Variants in MTERF3 observed in about 807,000 individuals in gnomAD.
MTERF3 encodes transcription termination factor 3, mitochondrial.
A neutral mutation model predicts 40.5 loss-of-function variants in MTERF3; 40 were observed. The observed-to-expected ratio is 0.99, with a 90% CI of 0.77 to 1.29. The LOEUF is 1.29. Ranked by LOEUF, MTERF3 falls within the 50% of genes most tolerant of loss-of-function variation. MTERF3 has a pLI of 0.00. For missense variants in MTERF3, 452 were observed against 478.2 expected (o/e 0.95, Z 0.51); for synonymous variants, 158 against 166.6 (o/e 0.95, Z 0.40).
chr8:96,239,764 T>G, intron 7 of MTERF3, 79 bp from the exon 8 acceptor site: 5 of 1,030,346 alleles, frequency 4.9e-6, no homozygotes, highest in South Asian at 2.9e-5. Context: ...GGCAAAAATT[T>G]TAATAGGTTA....
At position 96,246,450 on chromosome 8, in the gene MTERF3, C is replaced by G. The variant is rs1175044683; in HGVS notation, c.682G>C (p.Ala228Pro). Reference sequence around the variant, plus strand: ...CTGAAATTTTTTGAATGCAGATAAGCCACCCTAGAGAAACATAAATACATA... The same window carrying G: ...CTGAAATTTTTTGAATGCAGATAAGGCACCCTAGAGAAACATAAATACATA... ...EDLENLKTRV[A>P]YLHSKNFSKA... The change falls in exon 5 of 8, where the codon GCT becomes CCT. Residue 228 changes from alanine to proline, a missense_variant. Transcript: ENST00000287025. 6.2e-7 allele frequency: 1 copy of G among 1,607,106 alleles called. No homozygotes were observed. Among genetic ancestry groups the G allele is most frequent in the East Asian group, 2.2e-5 (1 of 44,632 alleles).
rs994613977 is a variant in MTERF3, at chr8:96,243,981, T to C, written c.997A>G (p.Thr333Ala). 1.2e-6 allele frequency: 2 copies of C among 1,614,144 alleles called. No individual in the cohort carries two copies. The highest frequency in any genetic ancestry group is 2.7e-5 in the African/African-American group (2 of 75,032). Residue 333 changes from threonine (T) to alanine (A), a missense_variant, in exon 7 of 8, where the codon ACG (threonine) becomes GCG (alanine). Thr to Ala is a moderately conservative substitution (Grantham distance 58). Coordinates refer to ENST00000287025, the MANE Select transcript of MTERF3 (RefSeq NM_015942.5). The stretch of plus-strand genomic sequence containing the variant: ...ATCACATTGTGCACAAAATCAAACG[T>C]CTCGGTAAGTTTCATTTTATTTGCA... ...LTANKMKLTE[T>A]FDFVHNVMSI...
At chr8:96,246,852 TAAG>T (rs1810030862) in intron 4 of MTERF3, among the ~76,000 whole-genome samples, 1 of 151,764 alleles carries the variant, frequency 6.6e-6, no homozygotes. Context: ...TTTTTTTTGA[TAAG>T]AACAGAAAAA....
In MTERF3 at chr8:96,251,008, A is replaced by C. The variant is rs757276935; in HGVS notation, c.575T>G (p.Leu192Arg). Residue 192 changes from leucine (L) to arginine (R), a missense_variant, in exon 4 of 8, where the codon CTT (leucine) becomes CGT (arginine). By Grantham distance (102) the Leu-to-Arg change is moderately radical (BLOSUM62 -2). Coordinates refer to ENST00000287025, the MANE Select transcript of MTERF3 (RefSeq NM_015942.5). ...TATACCCACATCTTTAAGAAACAGAAGCATTTGCTTAATGTCTTTTTCAAA... is the reference window on the plus strand; with the variant it reads ...TATACCCACATCTTTAAGAAACAGACGCATTTGCTTAATGTCTTTTTCAAA... ...LDFEKDIKQM[L>R]LFLKDVGIED... 6.2e-7 allele frequency: 1 copy of C among 1,605,776 alleles called. No individual in the cohort carries two copies. The highest frequency in any genetic ancestry group is 8.5e-7 in the Non-Finnish European group (1 of 1,178,084).
rs1810139112 is a variant in MTERF3 at position 96,250,630 on chromosome 8, A to AAGAAGG, written c.677+275_677+276insCCTTCT. Among the ~76,000 whole-genome samples the AAGAAGG allele has an allele frequency of 8.7e-5, 2 of 23,084 alleles. 1 individual carries two copies. Among genetic ancestry groups the AAGAAGG allele is most frequent in the Non-Finnish European group, 2.0e-4 (2 of 10,006 alleles). The allele number at this position is 23,084 out of a possible 152,430, so 15.1% of individuals were successfully genotyped here. A position where few individuals can be genotyped will look rare whatever the true frequency, so the allele number is the denominator to read the frequency against. On this transcript the variant is annotated intron_variant, in intron 4 of 7. Coordinates refer to ENST00000287025, the MANE Select transcript of MTERF3 (RefSeq NM_015942.5). ...GAGGCTGAGGCAGAAGAAGAAGAAG[A>AAGAAGG]AGAAGAAGAAGAAGAAGAAGAAGAA...
intron 6 of MTERF3, among the ~76,000 whole-genome samples, 181 bp from the exon 7 acceptor site, chr8:96,244,261 AC>A (rs1262613394): frequency 2.0e-5 from 3 of 151,882 alleles, no homozygotes; most frequent in Non-Finnish European, 4.4e-5. Flanking sequence ...GAGGAATGCC[AC>A]CACACCTGGC....
intron 3 of MTERF3, among the ~76,000 whole-genome samples, chr8:96,253,026 G>A (rs902238708): frequency 6.6e-6 from 1 of 152,094 alleles, no homozygotes; most frequent in South Asian, 2.1e-4. Flanking sequence ...AATAATACAC[G>A]ATTCTAACCT....
At chr8:96,248,829 GCT>G in intron 4 of MTERF3, among the ~76,000 whole-genome samples, 1 of 152,212 alleles carries the variant, frequency 6.6e-6, no homozygotes, top group South Asian at 2.1e-4. Context: ...TGAAATCAGT[GCT>G]GTTATAGAAA....
chr8:96,243,395 A>C (rs1563544687), intron 7 of MTERF3, among the ~76,000 whole-genome samples: 1 of 152,222 alleles, frequency 6.6e-6, no homozygotes, highest in Admixed American at 6.5e-5. Flanking sequence ...GGCAGTGTAT[A>C]AATCAGACAA....
chr8:96,257,112 G>T lies in MTERF3; in HGVS notation c.337C>A (p.Leu113Met), dbSNP rs1810295368. The T allele has an allele frequency of 1.2e-6, 2 of 1,609,870 alleles. No homozygotes were observed. Among genetic ancestry groups the T allele is most frequent in the East Asian group, 4.5e-5 (2 of 44,752 alleles). ...SFDSELFLEE[L>M]DELPPLSPMQ... ...GGAGACAATGGAGGCAATTCATCCA[G>T]TTCTTTGAAAGAGAGAAACAAATTA... is the stretch of plus-strand genomic sequence containing the variant. The change falls in exon 3 of 8, where the codon CTG becomes ATG. Residue 113 changes from leucine (L) to methionine (M), a missense_variant and splice_region_variant. Transcript: ENST00000287025.
chr8:96,250,905 C>A lies in MTERF3; in HGVS notation c.677+1G>T. The A allele has an allele frequency of 6.2e-7, 1 of 1,602,104 alleles. No homozygotes were observed. The highest frequency in any genetic ancestry group is 8.5e-7 in the Non-Finnish European group (1 of 1,177,194). Reference sequence around the variant, plus strand: ...TATGAGAATCCTTTTAAAAGTCCTACCTGGTCTTCAGATTTTCAAGGTCTT... The same window carrying A: ...TATGAGAATCCTTTTAAAAGTCCTAACTGGTCTTCAGATTTTCAAGGTCTT... On this transcript the variant is annotated splice_donor_variant, in intron 4 of 7. Transcript: ENST00000287025. LOFTEE classifies it high-confidence loss of function.
At chr8:96,251,505 C>T (rs7814892) in intron 3 of MTERF3, among the ~76,000 whole-genome samples, 1 of 152,006 alleles carries the variant, frequency 6.6e-6, no homozygotes, top group East Asian at 1.9e-4. Context: ...TTTATTTTTC[C>T]TTAGTTATAA....
chr8:96,242,358 T>G (rs1211832945), intron 7 of MTERF3, among the ~76,000 whole-genome samples: 1 of 152,156 alleles, frequency 6.6e-6, no homozygotes, highest in Non-Finnish European at 1.5e-5. Flanking sequence ...AGCTTATAAT[T>G]TCTTCTATTT....
rs1013201589 is a variant in MTERF3, at chr8:96,239,541, T to A, written c.1204A>T (p.Ile402Phe). The A allele has an allele frequency of 2.5e-6, 4 of 1,609,650 alleles. No homozygotes were observed. The highest frequency in any genetic ancestry group is 1.7e-5 in the Admixed American group (1 of 58,346). Residue 402 changes from isoleucine (I) to phenylalanine (F), a missense_variant, in exon 8 of 8, where the codon ATT (isoleucine) becomes TTT (phenylalanine). By Grantham distance (21) the Ile-to-Phe change is conservative (BLOSUM62 0). Coordinates refer to ENST00000287025, the MANE Select transcript of MTERF3 (RefSeq NM_015942.5). ...AAGTCCTGTACTGATGCTTTGGCAA[T>A]CTCTTCACAAAATATTTCATCAGGA... ...SIPDEIFCEE[I>F]AKASVQDFEK...
chr8:96,245,189 C>T (rs775911255), intron 6 of MTERF3, among the ~76,000 whole-genome samples: 5 of 152,102 alleles, frequency 3.3e-5, no homozygotes, highest in Non-Finnish European at 4.4e-5. Context: ...CTCAGCATGG[C>T]GCTTGGGCAG....
At chr8:96,250,657 A>AAGAAGG (rs1810148648) in intron 4 of MTERF3, among the ~76,000 whole-genome samples, 1 of 29,130 alleles carries the variant, frequency 3.4e-5, no homozygotes, top group Admixed American at 2.6e-4. Flanking sequence ...GAAGAAGAAG[A>AAGAAGG]AGAAGAAGAA....
In MTERF3 at chr8:96,258,537, A is replaced by C; in HGVS notation, c.154T>G (p.Cys52Gly). 6.2e-7 allele frequency: 1 copy of C among 1,614,174 alleles called. No individual in the cohort carries two copies. The highest frequency in any genetic ancestry group is 1.3e-5 in the African/African-American group (1 of 75,064). ...GTCTTAAATCCCCACTGGAGAAAGCAATTGTCAGAGGATATCTGAGGCTGA... is the reference window on the plus strand; with the variant it reads ...GTCTTAAATCCCCACTGGAGAAAGCCATTGTCAGAGGATATCTGAGGCTGA... ...SAQPQISSDNCFLQWGFKTYR... is the reference protein window; with the variant it reads ...SAQPQISSDNGFLQWGFKTYR... Residue 52 changes from cysteine to glycine, a missense_variant, in exon 2 of 8, where the codon TGC becomes GGC. Cys to Gly is a radical substitution (Grantham distance 159). Transcript: ENST00000287025.
Position 96,258,440 on chromosome 8 carries a change from T to C in MTERF3, c.251A>G (p.Gln84Arg), listed in dbSNP as rs1310873864. ...SSSSQENNSAQSSLLPSMNEQ... is the reference protein window; with the variant it reads ...SSSSQENNSARSSLLPSMNEQ... ...ATTCATGGAAGGAAGCAGACTGCTT[T>C]GGGCAGAATTATTCTCCTGACTACT... Residue 84 changes from glutamine (Q) to arginine (R), a missense_variant, in exon 2 of 8, where the codon CAA becomes CGA. Transcript: ENST00000287025. The C allele has an allele frequency of 6.2e-7, 1 of 1,614,166 alleles. No homozygotes were observed. The highest frequency in any genetic ancestry group is 1.1e-5 in the South Asian group (1 of 91,082).
chr8:96,250,617 GAAGAA>G (rs1810133404), intron 4 of MTERF3, among the ~76,000 whole-genome samples: 1 of 8,898 alleles, frequency 1.1e-4, no homozygotes, highest in Non-Finnish European at 2.1e-4. Context: ...GGCTGAGGCA[GAAGAA>G]GAAGAAGAAG....
Sources: allele counts gnomAD v4.1 joint callset (sites outside exome capture counted in the v4.1 genomes callset), GRCh38; gene constraint gnomAD v4.1.1; transcripts MANE v1.5; gene names NCBI Gene and HGNC (gene_info 2026-07-23, HGNC 2026-07-21).